BTRC: variants seen among roughly 807,000 people sequenced by gnomAD.
BTRC encodes beta-transducin repeat containing E3 ubiquitin protein ligase.
In BTRC, 42 loss-of-function variants were observed where a neutral mutation model predicts 85.5. That is an observed-to-expected ratio of 0.49 (90% CI 0.38 to 0.64). The LOEUF (loss-of-function observed/expected upper bound fraction) is 0.64. Among genes scored for constraint, BTRC ranks in the 30% least tolerant of loss-of-function variants. The probability of loss-of-function intolerance (pLI) is 0.00; values close to 1 mark genes in which losing one functional copy is unlikely to be tolerated. For synonymous variants in BTRC, 255 were observed against 263.3 expected, an observed-to-expected ratio of 0.97 and a Z score of 0.30; for missense variants, 594 against 743.5, an observed-to-expected ratio of 0.80 and a Z score of 2.34.
At chr10:101,354,303 C>T in intron 1 of BTRC, 75 bp downstream of exon 1, 1 of 1,496,858 alleles carries the variant, frequency 6.7e-7, no homozygotes, top group South Asian at 1.2e-5. Flanking sequence ...GCCGCCCGCC[C>T]ACTGCGGGAC....
chr10:101,397,077 T>A (rs565970287), intron 1 of BTRC, among the ~76,000 whole-genome samples: 1 of 152,356 alleles, frequency 6.6e-6, no homozygotes, highest in Non-Finnish European at 1.5e-5. Flanking sequence ...GTGCTGAGAT[T>A]ACAGGCATGA....
chr10:101,379,236 A>G (rs1942868396), intron 1 of BTRC, among the ~76,000 whole-genome samples: 1 of 152,206 alleles, frequency 6.6e-6, no homozygotes, highest in South Asian at 2.1e-4. Context: ...CTTTGATTAT[A>G]TGGTAGTCTT....
In BTRC at chr10:101,453,641, A is replaced by T. The variant is rs550816780; in HGVS notation, c.157-8340A>T. ...TTGATTATATAATCAACTCTTAATTATCCATTTTATCAGGAGTTGTGTGTT... is the reference window on the plus strand; with the variant it reads ...TTGATTATATAATCAACTCTTAATTTTCCATTTTATCAGGAGTTGTGTGTT... On this transcript the variant is annotated intron_variant, in intron 2 of 14. Transcript: ENST00000370187. 9 of 152,360 alleles carry T rather than the reference A, an allele frequency of 5.9e-5. No homozygotes were observed. The East Asian group carries it at 1.7e-3, about 29-fold the overall frequency. The allele number at this position is 152,360 out of a possible 1,614,324, so 9.4% of individuals were successfully genotyped here.
chr10:101,524,808 T>C (rs1053640482), intron 5 of BTRC, among the ~76,000 whole-genome samples: 6 of 152,192 alleles, frequency 3.9e-5, no homozygotes, highest in Non-Finnish European at 5.9e-5. Context: ...GTAATGCATG[T>C]CTCCATCTGC....
At chr10:101,383,602 GAACCCT>G (rs1207735820) in intron 1 of BTRC, among the ~76,000 whole-genome samples, 1 of 152,004 alleles carries the variant, frequency 6.6e-6, no homozygotes, top group African/African-American at 2.4e-5. Context: ...TAGGCCTAGG[GAACCCT>G]CTCGCCTCAG....
intron 1 of BTRC, among the ~76,000 whole-genome samples, chr10:101,397,503 A>G (rs1006993225): frequency 6.6e-6 from 1 of 152,196 alleles, no homozygotes; most frequent in Admixed American, 6.5e-5. Flanking sequence ...GTCCTTTCTA[A>G]TTGTGTTTCA....
intron 1 of BTRC, among the ~76,000 whole-genome samples, chr10:101,404,850 T>G (rs189544137): frequency 6.6e-6 from 1 of 152,046 alleles, no homozygotes; most frequent in African/African-American, 2.4e-5. Flanking sequence ...TACAAAAAAT[T>G]AGCCGGGCGT....
At chr10:101,524,678 G>C (rs2062164748) in intron 5 of BTRC, among the ~76,000 whole-genome samples, 1 of 152,064 alleles carries the variant, frequency 6.6e-6, no homozygotes, top group Non-Finnish European at 1.5e-5. Context: ...ACTGCATTTT[G>C]GAAATTTCTG....
chr10:101,492,815 T>G (rs1187710830), intron 4 of BTRC, among the ~76,000 whole-genome samples: 1 of 152,140 alleles, frequency 6.6e-6, no homozygotes, highest in Non-Finnish European at 1.5e-5. Flanking sequence ...AGTGATAGTT[T>G]TGTGGATATG....
At chr10:101,471,041 A>G (rs567909190) in intron 3 of BTRC, among the ~76,000 whole-genome samples, 1 of 152,336 alleles carries the variant, frequency 6.6e-6, no homozygotes, top group East Asian at 1.9e-4. Context: ...CAAGGCGGAC[A>G]AGAAAAATGA....
chr10:101,456,042 A>G (rs1945073298), intron 2 of BTRC, among the ~76,000 whole-genome samples: 1 of 143,602 alleles, frequency 7.0e-6, no homozygotes, highest in African/African-American at 2.6e-5. Flanking sequence ...ATGGTGGCGC[A>G]TGCCTGTAAT....
At chr10:101,478,521 T>C (rs940606105) in intron 3 of BTRC, among the ~76,000 whole-genome samples, 1 of 151,734 alleles carries the variant, frequency 6.6e-6, no homozygotes, top group African/African-American at 2.4e-5. Flanking sequence ...CTGAGCACAA[T>C]GGCTCGTCCC....
chr10:101,527,503 A>G (rs2134393465), intron 6 of BTRC, among the ~76,000 whole-genome samples: 1 of 152,312 alleles, frequency 6.6e-6, no homozygotes, highest in African/African-American at 2.4e-5. Context: ...CTGTAATCCC[A>G]ACAGTTTTGG....
intron 1 of BTRC, among the ~76,000 whole-genome samples, chr10:101,401,333 G>A (rs985761195): frequency 2.4e-4 from 36 of 152,140 alleles, no homozygotes; most frequent in African/African-American, 8.2e-4. Context: ...TTAACAGTGT[G>A]GCAAAGAGTG....
At chr10:101,544,192 A>G (rs2062521988) in intron 13 of BTRC, among the ~76,000 whole-genome samples, 1 of 152,202 alleles carries the variant, frequency 6.6e-6, no homozygotes, top group African/African-American at 2.4e-5. Flanking sequence ...TACAGGCATG[A>G]GCCACCGCAG....
At chr10:101,401,575 T>C (rs895842732) in intron 1 of BTRC, among the ~76,000 whole-genome samples, 22 of 152,154 alleles carry the variant, frequency 1.4e-4, no homozygotes, top group Non-Finnish European at 3.2e-4. Flanking sequence ...ATCTTACTCT[T>C]TCAGATTCAA....
chr10:101,529,081 A>G (rs1421532738), intron 6 of BTRC, among the ~76,000 whole-genome samples: 1 of 152,226 alleles, frequency 6.6e-6, no homozygotes, highest in Non-Finnish European at 1.5e-5. Context: ...ATCACATTTT[A>G]TGATAACATT....
At chr10:101,439,606 C>T (rs907819369) in intron 2 of BTRC, among the ~76,000 whole-genome samples, 3 of 152,174 alleles carry the variant, frequency 2.0e-5, no homozygotes, top group African/African-American at 7.2e-5. Flanking sequence ...TCCTTTCTCC[C>T]CCATTTGTCT....
chr10:101,496,183 C>CA (rs1017804893), intron 4 of BTRC, among the ~76,000 whole-genome samples: 1 of 152,012 alleles, frequency 6.6e-6, no homozygotes, highest in African/African-American at 2.4e-5. Context: ...TTCATAACTA[C>CA]AAAAAATTAT....
Sources: allele counts gnomAD v4.1 joint callset (sites outside exome capture counted in the v4.1 genomes callset), GRCh38; gene constraint gnomAD v4.1.1; transcripts MANE v1.5; gene names NCBI Gene and HGNC (gene_info 2026-07-23, HGNC 2026-07-21).